The following SLCO1C1 variants were observed in gnomAD, a reference collection of about 807,000 sequenced individuals.
SLCO1C1 encodes the protein OAT-RP-5.
In SLCO1C1, 70 loss-of-function variants were observed where a neutral mutation model predicts 76.4. The observed-to-expected ratio is 0.92, with a 90% CI of 0.76 to 1.12. SLCO1C1 has a LOEUF of 1.12. Ranked by LOEUF, SLCO1C1 falls within the 50% of genes most tolerant of loss-of-function variation. SLCO1C1 has a pLI of 0.00. For synonymous variants in SLCO1C1, 306 were observed against 286.1 expected, an observed-to-expected ratio of 1.07 and a Z score of -0.70; for missense variants, 912 against 823.8, an observed-to-expected ratio of 1.11 and a Z score of -1.31.
chr12:20,740,054 CA>C (rs916642611), intron 11 of SLCO1C1, 129 bp from the exon 12 acceptor site: 18 of 946,616 alleles, frequency 1.9e-5, no homozygotes, highest in African/African-American at 1.8e-4. Context: ...TACTGTAATA[CA>C]AAAAAATAAA....
chr12:20,722,248 A>G (rs1354140888), intron 8 of SLCO1C1, among the ~76,000 whole-genome samples, 199 bp downstream of exon 8: 2 of 152,246 alleles, frequency 1.3e-5, no homozygotes, highest in East Asian at 3.9e-4. Context: ...CTTGACAGCC[A>G]TTCCTGCTGA....
chr12:20,745,774 G>A (rs921693866), intron 13 of SLCO1C1, among the ~76,000 whole-genome samples: 22 of 151,476 alleles, frequency 1.5e-4, no homozygotes, highest in African/African-American at 4.9e-4. Context: ...GCAGTGAGCT[G>A]AGATCACACC....
At chr12:20,728,683 T>A (rs1948140698) in intron 9 of SLCO1C1, among the ~76,000 whole-genome samples, 2 of 151,994 alleles carry the variant, frequency 1.3e-5, no homozygotes, top group East Asian at 1.9e-4. Context: ...ACTATTATTA[T>A]TATTATAACT....
At chr12:20,738,735 TAAAGATTGGTGTTAAAAGAAC>T (rs1352398159) in intron 11 of SLCO1C1, among the ~76,000 whole-genome samples, 1 of 152,322 alleles carries the variant, frequency 6.6e-6, no homozygotes, top group East Asian at 1.9e-4. Flanking sequence ...AAGGAAAGGT[TAAAGATTGGTGTTAAAAGAAC>T]AAAATTACAT....
At chr12:20,711,978 A>C (rs1947132190) in intron 5 of SLCO1C1, among the ~76,000 whole-genome samples, 1 of 152,196 alleles carries the variant, frequency 6.6e-6, no homozygotes, top group Non-Finnish European at 1.5e-5. Context: ...GGGAGCTTAC[A>C]TAAGAGTAAA....
At position 20,717,308 on chromosome 12, in the gene SLCO1C1, C is replaced by A. The variant is rs554286926; in HGVS notation, c.775+78C>A. On this transcript the variant is annotated intron_variant, in intron 7 of 14. Coordinates refer to ENST00000266509, the MANE Select transcript of SLCO1C1 (RefSeq NM_017435.5). The stretch of plus-strand genomic sequence containing the variant: ...TTAATGGGAACAGTGTGGAAATTAT[C>A]AAATTGCCTTTTTATAAAATGATGG... 6.1e-6 allele frequency: 7 copies of A among 1,144,284 alleles called. No homozygotes were observed. The African/African-American group carries it at 6.6e-5, about 11-fold the overall frequency. The allele number at this position is 1,144,284 out of a possible 1,614,324, so 70.9% of individuals were successfully genotyped here. A position where few individuals can be genotyped will look rare whatever the true frequency, so the allele number is the denominator to read the frequency against.
In SLCO1C1 at chr12:20,752,329, T is replaced by A; in HGVS notation, c.1940T>A (p.Val647Glu). 1 of 1,605,606 alleles carries A rather than the reference T, an allele frequency of 6.2e-7. No homozygotes were observed. Among genetic ancestry groups the A allele is most frequent in the Non-Finnish European group, 8.5e-7 (1 of 1,175,126 alleles). ...VFRHIYLGLTVILGTVSILLS... is the reference protein window; with the variant it reads ...VFRHIYLGLTEILGTVSILLS... The stretch of plus-strand genomic sequence containing the variant: ...AGACATATATATCTGGGACTAACTG[T>A]GATACTGGGCACAGTGTCAATTCTC... The change falls in exon 15 of 15, where the codon GTG becomes GAG. Residue 647 changes from valine (V) to glutamate (E), a missense_variant. By Grantham distance (121) the Val-to-Glu change is moderately radical. Coordinates refer to ENST00000266509, the MANE Select transcript of SLCO1C1 (RefSeq NM_017435.5).
chr12:20,724,409 GTGTATATA>G (rs61560009), intron 9 of SLCO1C1, among the ~76,000 whole-genome samples: 7,069 of 63,188 alleles, frequency 0.11, 439 homozygotes, highest in East Asian at 0.26. Context: ...GTGTGTGTGT[GTGTATATA>G]TATATATATA....
At chr12:20,703,955 CTGTG>C (rs146325219) in intron 3 of SLCO1C1, among the ~76,000 whole-genome samples, 8,017 of 140,310 alleles carry the variant, frequency 0.057, 243 homozygotes, top group African/African-American at 0.082. Flanking sequence ...TCGAGTGTGT[CTGTG>C]TGTGTGTGTG....
At chr12:20,717,648 CTTT>C (rs534946900) in intron 7 of SLCO1C1, among the ~76,000 whole-genome samples, 4 of 42,274 alleles carry the variant, frequency 9.5e-5, no homozygotes, top group East Asian at 1.4e-3. Context: ...AACAGCCCTT[CTTT>C]TTTTTTTTTT....
intron 10 of SLCO1C1, among the ~76,000 whole-genome samples, chr12:20,735,841 G>GACAAACTAA (rs1565535861): frequency 1.3e-5 from 2 of 152,082 alleles, no homozygotes; most frequent in African/African-American, 4.8e-5. Context: ...CTAACTTACT[G>GACAAACTAA]GAAATTTTGT....
intron 7 of SLCO1C1, among the ~76,000 whole-genome samples, chr12:20,721,479 G>T (rs907828919): frequency 3.3e-5 from 5 of 151,966 alleles, no homozygotes; most frequent in Non-Finnish European, 5.9e-5. Context: ...TTAAATGAAG[G>T]TATGTACATT....
chr12:20,707,205 C>T (rs1026091677), intron 4 of SLCO1C1, among the ~76,000 whole-genome samples: 1 of 152,042 alleles, frequency 6.6e-6, no homozygotes, highest in Non-Finnish European at 1.5e-5. Flanking sequence ...GGACAACATC[C>T]TTTCATAGGT....
chr12:20,703,464 G>C (rs563248148), intron 3 of SLCO1C1, among the ~76,000 whole-genome samples: 9 of 151,924 alleles, frequency 5.9e-5, no homozygotes, highest in Admixed American at 5.3e-4. Context: ...TTGAAGAGAA[G>C]CATTTACAAT....
chr12:20,724,439 ATATATATATATATGTGTGTGTG>A (rs1565523704), intron 9 of SLCO1C1, among the ~76,000 whole-genome samples: 1 of 116,042 alleles, frequency 8.6e-6, no homozygotes, highest in African/African-American at 3.7e-5. Flanking sequence ...ATATATATAT[ATATATATATATATGTGTGTGTG>A]TGTGTGTGTG....
intron 11 of SLCO1C1, among the ~76,000 whole-genome samples, chr12:20,739,062 GT>G (rs1948681837): frequency 1.3e-5 from 2 of 152,098 alleles, no homozygotes; most frequent in South Asian, 4.1e-4. Flanking sequence ...CTATTGAGGG[GT>G]TATACAAATT....
intron 12 of SLCO1C1, among the ~76,000 whole-genome samples, chr12:20,741,724 T>C (rs899453936): frequency 7.8e-6 from 1 of 128,718 alleles, no homozygotes; most frequent in Non-Finnish European, 1.8e-5. Flanking sequence ...GTTTTGAAAA[T>C]AGAAGTCTCA....
At chr12:20,744,966 C>G (rs150382962) in intron 13 of SLCO1C1, among the ~76,000 whole-genome samples, 5 of 152,126 alleles carry the variant, frequency 3.3e-5, no homozygotes, top group South Asian at 2.1e-4. Flanking sequence ...TCTAATGTTA[C>G]CGAGTGATCT....
chr12:20,706,170 C>T, intron 4 of SLCO1C1, 89 bp downstream of exon 4: 1 of 1,428,800 alleles, frequency 7.0e-7, no homozygotes, highest in Non-Finnish European at 9.3e-7. Flanking sequence ...CAAATTTAAG[C>T]TTAACCCATG....
Sources: allele counts gnomAD v4.1 joint callset (sites outside exome capture counted in the v4.1 genomes callset), GRCh38; gene constraint gnomAD v4.1.1; transcripts MANE v1.5; gene names NCBI Gene and HGNC (gene_info 2026-07-23, HGNC 2026-07-21).